Variants in PCDH7 observed in about 807,000 individuals in gnomAD.
PCDH7 encodes protocadherin 7, also known as protocadherin-7.
Under a neutral mutation model 58.9 loss-of-function variants are expected in PCDH7, and 17 were observed. That is an observed-to-expected ratio of 0.29 (90% CI 0.20 to 0.43). The LOEUF (loss-of-function observed/expected upper bound fraction) is 0.43. PCDH7 is among the 20% of genes least tolerant of loss of function. The pLI, the probability that PCDH7 is intolerant of heterozygous loss-of-function variation, is 1.00. For synonymous variants in PCDH7, 664 were observed against 616.4 expected, an observed-to-expected ratio of 1.08 and a Z score of -1.14; for missense variants, 1,274 against 1,441.0, an observed-to-expected ratio of 0.88 and a Z score of 1.88.
chr4:30,849,996 A>G (rs1732507702), intron 1 of PCDH7, among the ~76,000 whole-genome samples: 1 of 152,170 alleles, frequency 6.6e-6, no homozygotes, highest in African/African-American at 2.4e-5. Flanking sequence ...ATTCTGCAAA[A>G]GAACCAGTCT....
intron 1 of PCDH7, among the ~76,000 whole-genome samples, chr4:30,884,218 C>A (rs915625858): frequency 6.6e-6 from 1 of 152,128 alleles, no homozygotes; most frequent in Non-Finnish European, 1.5e-5. Flanking sequence ...TGAATCCTAA[C>A]AGCATCTATG....
chr4:30,722,844 C>A lies in PCDH7; in HGVS notation c.1422C>A (p.Ser474Arg). ...TGCCCTTCCAGCTCAAGCCAGCCAG[C>A]GACACCGAGGGCGACCAGAACAAGA... Residue 474 changes from serine (S) to arginine (R), a missense_variant, in exon 1 of 2, where the codon AGC becomes AGA. Ser to Arg is a moderately radical substitution (Grantham distance 110, BLOSUM62 -1). Around this residue, in one of 3 missense-constraint regions of PCDH7, gnomAD observed 731 missense variants for 881.9 expected, o/e 0.83. Transcript: ENST00000361762. This position sits in a 1 kb window ranked among gnomAD's most constrained non-coding sequence, Gnocchi z 7.6. 1 of 1,613,670 alleles carries A rather than the reference C, an allele frequency of 6.2e-7. No homozygotes were observed. The highest frequency in any genetic ancestry group is 8.5e-7 in the Non-Finnish European group (1 of 1,180,020).
At position 30,722,463 on chromosome 4, in the gene PCDH7, C is replaced by G. The variant is rs758940918; in HGVS notation, c.1041C>G (p.Phe347Leu). 6.2e-7 allele frequency: 1 copy of G among 1,610,148 alleles called. No individual in the cohort carries two copies. The highest frequency in any genetic ancestry group is 8.5e-7 in the Non-Finnish European group (1 of 1,178,700). ...TCAACGGGCAGATCGAATACGTGTT[C>G]GGGGCGGCCACCGAGTCGGTGAGGC... The change falls in exon 1 of 2, where the codon TTC becomes TTG. Residue 347 changes from phenylalanine to leucine, a missense_variant. Transcript: ENST00000361762. This position sits in a 1 kb window ranked among gnomAD's most constrained non-coding sequence, Gnocchi z 7.6.
intron 1 of PCDH7, among the ~76,000 whole-genome samples, chr4:30,862,732 A>G (rs1734359686): frequency 6.6e-6 from 1 of 152,114 alleles, no homozygotes; most frequent in Non-Finnish European, 1.5e-5. Flanking sequence ...GTTCAACAAC[A>G]AAAGGGTCAT....
intron 3 of PCDH7, among the ~76,000 whole-genome samples, chr4:31,006,940 G>C (rs942388938): frequency 2.1e-5 from 3 of 143,912 alleles, no homozygotes; most frequent in African/African-American, 8.0e-5. Flanking sequence ...CTTATAGAAT[G>C]GCAGAAAATG....
chr4:30,986,659 C>T (rs1184518008), intron 3 of PCDH7, among the ~76,000 whole-genome samples: 1 of 151,848 alleles, frequency 6.6e-6, no homozygotes, highest in African/African-American at 2.4e-5. Context: ...AAATTTAAAA[C>T]TGTTTTATTA....
chr4:31,125,387 A>T (rs1718178600), intron 3 of PCDH7, among the ~76,000 whole-genome samples: 1 of 152,198 alleles, frequency 6.6e-6, no homozygotes, highest in South Asian at 2.1e-4. Context: ...ACATCCAGAG[A>T]TGCTACTTTT....
At chr4:31,102,876 A>T (rs953151564) in intron 3 of PCDH7, among the ~76,000 whole-genome samples, 2 of 152,166 alleles carry the variant, frequency 1.3e-5, no homozygotes, top group Admixed American at 6.5e-5. Context: ...TCATTGTGAG[A>T]TCTAAATGAA....
chr4:30,742,822 G>A (rs1560321714), intron 1 of PCDH7, among the ~76,000 whole-genome samples: 1 of 152,116 alleles, frequency 6.6e-6, no homozygotes, highest in African/African-American at 2.4e-5. Flanking sequence ...AAAAGAAATT[G>A]AAATGCAGAA....
exon 2 of PCDH7, chr4:30,731,744 G>T (rs968392208): frequency 6.6e-6 from 1 of 152,084 alleles, no homozygotes. Context: ...GCAAGTGACT[G>T]AATTTTAGTT....
At chr4:31,039,965 C>G (rs1436337968) in intron 3 of PCDH7, among the ~76,000 whole-genome samples, 1 of 152,104 alleles carries the variant, frequency 6.6e-6, no homozygotes, top group Admixed American at 6.6e-5. Context: ...AGGTTATGTG[C>G]GTAGATACAA....
At chr4:30,819,429 A>G (rs561616067) in intron 1 of PCDH7, among the ~76,000 whole-genome samples, 1 of 152,152 alleles carries the variant, frequency 6.6e-6, no homozygotes, top group Admixed American at 6.6e-5. Flanking sequence ...TTGGGATCTG[A>G]TAATGTTTGG....
intron 1 of PCDH7, among the ~76,000 whole-genome samples, chr4:30,848,935 G>T (rs1436703773): frequency 6.6e-6 from 1 of 152,004 alleles, no homozygotes; most frequent in Non-Finnish European, 1.5e-5. Flanking sequence ...TTATAAAATG[G>T]AAAAGCACAC....
At chr4:31,094,689 C>G (rs1179382344) in intron 3 of PCDH7, among the ~76,000 whole-genome samples, 1 of 151,958 alleles carries the variant, frequency 6.6e-6, no homozygotes, top group Non-Finnish European at 1.5e-5. Context: ...TGCCCTTCGT[C>G]CAGATACCAC....
At chr4:31,001,284 G>C (rs1023707239) in intron 3 of PCDH7, among the ~76,000 whole-genome samples, 3 of 151,904 alleles carry the variant, frequency 2.0e-5, no homozygotes, top group African/African-American at 4.8e-5. Flanking sequence ...GCATTTTGTA[G>C]GTATGAGTGC....
intron 1 of PCDH7, among the ~76,000 whole-genome samples, chr4:30,765,057 T>C (rs1720541874): frequency 1.4e-5 from 2 of 148,098 alleles, no homozygotes; most frequent in Non-Finnish European, 3.0e-5. Context: ...GCACATATGA[T>C]CTGCTTGGGA....
intron 1 of PCDH7, among the ~76,000 whole-genome samples, chr4:30,853,796 T>C (rs961921926): frequency 6.6e-6 from 1 of 152,082 alleles, no homozygotes; most frequent in African/African-American, 2.4e-5. Context: ...GATGTAAAAA[T>C]GTAACTACCA....
At chr4:30,830,309 C>T (rs1330432880) in intron 1 of PCDH7, among the ~76,000 whole-genome samples, 2 of 152,090 alleles carry the variant, frequency 1.3e-5, no homozygotes, top group East Asian at 1.9e-4. Context: ...ATAAATTATT[C>T]ACATCACATA....
chr4:30,986,863 C>T (rs976055180), intron 3 of PCDH7, among the ~76,000 whole-genome samples: 8 of 151,730 alleles, frequency 5.3e-5, no homozygotes, highest in Non-Finnish European at 8.8e-5. Context: ...CGCCTGTAGT[C>T]CCAGCTACTC....
Sources: allele counts gnomAD v4.1 joint callset (sites outside exome capture counted in the v4.1 genomes callset), GRCh38; gene constraint gnomAD v4.1.1; regional missense constraint gnomAD v4.1.1; non-coding constraint Gnocchi (gnomAD v3.1); transcripts MANE v1.5; gene names NCBI Gene and HGNC (gene_info 2026-07-23, HGNC 2026-07-21).